KIAA1217: variants seen among roughly 807,000 people sequenced by gnomAD.
KIAA1217 encodes sickle tail protein homolog.
In KIAA1217, 88 loss-of-function variants were observed where a neutral mutation model predicts 163.9. The ratio of observed to expected loss-of-function variants is 0.54; its 90% confidence interval spans 0.45 to 0.64. The LOEUF (loss-of-function observed/expected upper bound fraction) is 0.64. KIAA1217 is among the 30% of genes least tolerant of loss of function. The probability of loss-of-function intolerance (pLI) is 0.00; values close to 1 mark genes in which losing one functional copy is unlikely to be tolerated. For synonymous variants in KIAA1217, 903 were observed against 923.1 expected (o/e 0.98, Z 0.39); for missense variants, 2,372 against 2,475.0 (o/e 0.96, Z 0.88).
intron 1 of KIAA1217, among the ~76,000 whole-genome samples, chr10:23,939,776 T>C (rs761932243): frequency 2.0e-5 from 3 of 151,524 alleles, no homozygotes; most frequent in Admixed American, 6.6e-5. Context: ...CTAAGGAACA[T>C]ACATAAAACA....
chr10:24,156,313 CT>C (rs1462475293), intron 2 of KIAA1217, among the ~76,000 whole-genome samples: 2 of 152,022 alleles, frequency 1.3e-5, no homozygotes, highest in African/African-American at 4.8e-5. Context: ...TTTCTTTTTA[CT>C]GTTGAGTAGT....
intron 2 of KIAA1217, among the ~76,000 whole-genome samples, chr10:24,274,239 C>G (rs1357410764): frequency 6.6e-6 from 1 of 152,164 alleles, no homozygotes; most frequent in Non-Finnish European, 1.5e-5. Context: ...GGCACAATGG[C>G]TCACACCTAT....
intron 1 of KIAA1217, among the ~76,000 whole-genome samples, chr10:23,724,880 CT>C (rs1444585903): frequency 6.6e-6 from 1 of 151,986 alleles, no homozygotes; most frequent in African/African-American, 2.4e-5. Flanking sequence ...TTGACTTTGC[CT>C]TCATATTATC....
chr10:24,369,579 T>C (rs189025251), intron 2 of KIAA1217, among the ~76,000 whole-genome samples: 1 of 152,254 alleles, frequency 6.6e-6, no homozygotes, highest in East Asian at 1.9e-4. Context: ...CCACATCCTC[T>C]CCATAAAGCA....
chr10:24,389,259 G>C (rs1315461228), intron 3 of KIAA1217, among the ~76,000 whole-genome samples: 3 of 152,114 alleles, frequency 2.0e-5, no homozygotes, highest in Non-Finnish European at 4.4e-5. Context: ...TAGGGACATG[G>C]ATGAAGCTGG....
At chr10:24,404,039 C>T (rs544302468) in intron 3 of KIAA1217, among the ~76,000 whole-genome samples, 2 of 152,126 alleles carry the variant, frequency 1.3e-5, no homozygotes, top group African/African-American at 4.8e-5. Flanking sequence ...TCCACCATAG[C>T]CCCCATCTCC....
In KIAA1217 at chr10:24,271,566, C is replaced by T. The variant is rs559008273; in HGVS notation, c.354+51657C>T. Among the ~76,000 whole-genome samples, 8 of 152,038 alleles carry T rather than the reference C, an allele frequency of 5.3e-5. No homozygotes were observed. The South Asian group carries it at 6.2e-4, about 12-fold the overall frequency. On this transcript the variant is annotated intron_variant, in intron 2 of 20. Transcript: ENST00000376454. ...AGGAGTTCAAGACCAGCGTGGGCAACGTGGCAAAACCCCATCTCTGCAAAA... is the reference window on the plus strand; with the variant it reads ...AGGAGTTCAAGACCAGCGTGGGCAATGTGGCAAAACCCCATCTCTGCAAAA...
chr10:24,021,598 T>C lies in KIAA1217; in HGVS notation c.-171+14224T>C, dbSNP rs573909251. Among the ~76,000 whole-genome samples, 6 of 152,020 alleles carry C rather than the reference T, an allele frequency of 3.9e-5. No homozygotes were observed. The East Asian group carries it at 7.7e-4, about 20-fold the overall frequency. On this transcript the variant is annotated intron_variant, in intron 2 of 18. Transcript: ENST00000376462. ...TTTTGTGGATATTGACAAACTGATC[T>C]AAAGTTTACATGAAAGGCAAAAGAT...
At chr10:24,115,480 G>A (rs1408953883) in intron 2 of KIAA1217, among the ~76,000 whole-genome samples, 1 of 152,160 alleles carries the variant, frequency 6.6e-6, no homozygotes, top group Admixed American at 6.5e-5. Context: ...GGGTAAAAAG[G>A]CCAGGCCAAA....
At chr10:24,528,202 A>C in intron 14 of KIAA1217, 83 bp downstream of exon 14, 62 of 1,095,350 alleles carry the variant, frequency 5.7e-5, no homozygotes, top group Non-Finnish European at 7.1e-5. Flanking sequence ...GCACATACTC[A>C]TCAACAGAAC....
chr10:24,424,260 A>C (rs1226715939), intron 3 of KIAA1217, among the ~76,000 whole-genome samples: 2 of 152,206 alleles, frequency 1.3e-5, no homozygotes, highest in African/African-American at 4.8e-5. Context: ...GGTATCCTAG[A>C]GCCATTTGAG....
chr10:24,218,285 T>C (rs1225402411), intron 1 of KIAA1217, among the ~76,000 whole-genome samples: 1 of 152,104 alleles, frequency 6.6e-6, no homozygotes, highest in Non-Finnish European at 1.5e-5. Flanking sequence ...TGCTCCCCAC[T>C]CTCAGCATTG....
intron 2 of KIAA1217, among the ~76,000 whole-genome samples, chr10:24,228,714 T>C (rs938949589): frequency 2.6e-5 from 4 of 152,206 alleles, no homozygotes; most frequent in Non-Finnish European, 5.9e-5. Context: ...GGATATTTGT[T>C]GTATTCAGGT....
At chr10:23,909,320 C>T (rs1055588108) in intron 1 of KIAA1217, among the ~76,000 whole-genome samples, 1 of 151,650 alleles carries the variant, frequency 6.6e-6, no homozygotes, top group African/African-American at 2.4e-5. Flanking sequence ...ACTAATGTAA[C>T]CAAACACCAC....
chr10:23,984,476 C>A (rs1198125388), intron 1 of KIAA1217, among the ~76,000 whole-genome samples: 1 of 152,112 alleles, frequency 6.6e-6, no homozygotes, highest in Admixed American at 6.6e-5. Context: ...ATGTTCATTG[C>A]AGCACTGTTT....
chr10:24,270,734 A>AC (rs758124507), intron 2 of KIAA1217, among the ~76,000 whole-genome samples: 8 of 152,020 alleles, frequency 5.3e-5, no homozygotes, highest in Non-Finnish European at 1.2e-4. Flanking sequence ...TTTAGTAGTT[A>AC]TGGGGTTTCA....
At chr10:24,455,483 A>G (rs2061697610) in intron 5 of KIAA1217, among the ~76,000 whole-genome samples, 2 of 152,254 alleles carry the variant, frequency 1.3e-5, no homozygotes, top group Non-Finnish European at 1.5e-5. Flanking sequence ...TCTATCAAGA[A>G]CCATGCTAAA....
At chr10:24,261,018 C>A (rs2075669838) in intron 2 of KIAA1217, among the ~76,000 whole-genome samples, 1 of 152,148 alleles carries the variant, frequency 6.6e-6, no homozygotes, top group Admixed American at 6.5e-5. Context: ...AGTTACAGAG[C>A]TATGTGAAGT....
At chr10:24,318,574 C>T (rs1267050669) in intron 2 of KIAA1217, among the ~76,000 whole-genome samples, 4 of 152,114 alleles carry the variant, frequency 2.6e-5, no homozygotes, top group Non-Finnish European at 4.4e-5. Flanking sequence ...CTGGTTTTCT[C>T]TTGAATACAC....
Sources: gnomAD v4.1 joint callset for allele counts (sites outside exome capture counted in the v4.1 genomes callset) on GRCh38, gnomAD v4.1.1 for gene constraint, MANE v1.5 for transcripts, NCBI Gene and HGNC (gene_info 2026-07-23, HGNC 2026-07-21) for gene names.